ZNF804B: variants seen among roughly 807,000 people sequenced by gnomAD.
ZNF804B encodes zinc finger protein 804B.
Under a neutral mutation model 101.4 loss-of-function variants are expected in ZNF804B, and 80 were observed. That is an observed-to-expected ratio of 0.79 (90% CI 0.66 to 0.95). The LOEUF (loss-of-function observed/expected upper bound fraction) is 0.95. ZNF804B is among the 40% of genes least tolerant of loss of function. The pLI, the probability that ZNF804B is intolerant of heterozygous loss-of-function variation, is 0.00. For missense variants in ZNF804B, 1,673 were observed against 1,561.9 expected (o/e 1.07, Z -1.20); for synonymous variants, 622 against 558.8 (o/e 1.11, Z -1.59).
intron 1 of ZNF804B, among the ~76,000 whole-genome samples, chr7:88,784,850 T>A (rs1790276891): frequency 6.6e-6 from 1 of 152,170 alleles, no homozygotes; most frequent in South Asian, 2.1e-4. Flanking sequence ...AATGTTCTTT[T>A]CTTTCTCTGC....
intron 1 of ZNF804B, among the ~76,000 whole-genome samples, chr7:88,789,089 T>G (rs1369302224): frequency 6.6e-6 from 1 of 152,134 alleles, no homozygotes; most frequent in Non-Finnish European, 1.5e-5. Context: ...GTCCAACCAT[T>G]GTTAGAAATT....
intron 1 of ZNF804B, among the ~76,000 whole-genome samples, chr7:89,117,006 C>A (rs1790321991): frequency 1.3e-5 from 2 of 152,020 alleles, no homozygotes; most frequent in African/African-American, 4.8e-5. Context: ...CAGCTTTGAC[C>A]ACACAGAGAA....
At chr7:88,923,245 G>A (rs932880822) in intron 1 of ZNF804B, among the ~76,000 whole-genome samples, 1 of 151,994 alleles carries the variant, frequency 6.6e-6, no homozygotes. Flanking sequence ...CCTCTGTAGC[G>A]TTGCTTTGGG....
chr7:89,286,610 G>A (rs565135711), intron 2 of ZNF804B, among the ~76,000 whole-genome samples: 1 of 152,266 alleles, frequency 6.6e-6, no homozygotes, highest in African/African-American at 2.4e-5. Flanking sequence ...ACCAATGAGA[G>A]GAGTTAACAG....
At chr7:88,774,094 G>C (rs139539905) in intron 1 of ZNF804B, among the ~76,000 whole-genome samples, 6 of 151,954 alleles carry the variant, frequency 3.9e-5, no homozygotes, top group African/African-American at 1.4e-4. Flanking sequence ...TCATGGGTCA[G>C]TTGACTCATG....
At position 89,136,846 on chromosome 7, in the gene ZNF804B, G is replaced by A. The variant is rs1399334351; in HGVS notation, c.109-81309G>A. 2.6e-5 allele frequency among the ~76,000 whole-genome samples: 4 copies of A among 151,964 alleles called. No homozygotes were observed. The South Asian group carries it at 6.2e-4, about 24-fold the overall frequency. On this transcript the variant is annotated intron_variant, in intron 1 of 3. Transcript: ENST00000333190. ...CCACAAGTTGTAGGAGGCACTGGGT[G>A]GGAGGTAATTGAATAATTGGGGGAG... is the stretch of plus-strand genomic sequence containing the variant.
Position 88,845,301 on chromosome 7 carries a change from G to GCACACACACACACACACA in ZNF804B, c.108+85220_108+85237dup, listed in dbSNP as rs372272018. 4.9e-4 allele frequency among the ~76,000 whole-genome samples: 73 copies of GCACACACACACACACACA among 150,032 alleles called. No individual in the cohort carries two copies. In the South Asian group the frequency reaches 6.6e-3, roughly 13 times the overall value. On this transcript the variant is annotated intron_variant, in intron 1 of 3. Coordinates refer to ENST00000333190, the MANE Select transcript of ZNF804B (RefSeq NM_181646.5). ...TGCGCACGCGCGCGCGCACGCGCGC[G>GCACACACACACACACACA]CACACACACACACACACACAATAAC...
At chr7:89,275,352 C>A (rs1221979629) in intron 2 of ZNF804B, among the ~76,000 whole-genome samples, 1 of 152,000 alleles carries the variant, frequency 6.6e-6, no homozygotes, top group African/African-American at 2.4e-5. Context: ...TTGTACATCT[C>A]ACTTTTAATC....
intron 1 of ZNF804B, among the ~76,000 whole-genome samples, chr7:89,128,095 AAT>A (rs773419587): frequency 4.6e-5 from 7 of 151,912 alleles, no homozygotes; most frequent in Non-Finnish European, 8.8e-5. Context: ...TATTGTAATT[AAT>A]AGTGTAATTT....
chr7:88,789,907 T>A (rs1046239188), intron 1 of ZNF804B, among the ~76,000 whole-genome samples: 3 of 152,126 alleles, frequency 2.0e-5, no homozygotes, highest in Admixed American at 6.6e-5. Flanking sequence ...ATGCCTTTTT[T>A]ATTAAATTTA....
intron 1 of ZNF804B, among the ~76,000 whole-genome samples, chr7:89,168,022 A>AAT (rs1262223319): frequency 1.3e-5 from 2 of 152,046 alleles, no homozygotes; most frequent in Non-Finnish European, 2.9e-5. Flanking sequence ...AAGTACCAAT[A>AAT]ATATATATTT....
chr7:89,291,768 G>A (rs1208891), intron 2 of ZNF804B, among the ~76,000 whole-genome samples: 139,189 of 152,148 alleles, frequency 0.91, 63,821 homozygotes, highest in East Asian at 1. Flanking sequence ...TATTAATATC[G>A]AAGTACAAGA....
intron 1 of ZNF804B, among the ~76,000 whole-genome samples, chr7:89,151,009 C>T (rs938834522): frequency 2.6e-5 from 4 of 152,044 alleles, no homozygotes; most frequent in Non-Finnish European, 5.9e-5. Context: ...ATAAGATTGA[C>T]TTTGTACATC....
intron 1 of ZNF804B, among the ~76,000 whole-genome samples, chr7:89,167,520 G>A (rs1215143840): frequency 1.3e-5 from 2 of 152,106 alleles, no homozygotes; most frequent in Non-Finnish European, 2.9e-5. Context: ...TTGTTCAGGA[G>A]TCAACTGTAT....
In ZNF804B at chr7:88,841,481, G is replaced by A. The variant is rs969307491; in HGVS notation, c.108+81397G>A. The stretch of plus-strand genomic sequence containing the variant: ...TCTGTGCATATTGTTACTCATCAAT[G>A]CTGGGAAGGTAATATGTCTTGACTC... On this transcript the variant is annotated intron_variant, in intron 1 of 3. Coordinates refer to ENST00000333190, the MANE Select transcript of ZNF804B (RefSeq NM_181646.5). Among the ~76,000 whole-genome samples the A allele has an allele frequency of 3.9e-5, 6 of 152,112 alleles. No individual in the cohort carries two copies. The South Asian group carries it at 1.0e-3, about 26-fold the overall frequency.
At chr7:89,197,394 G>T (rs927760647) in intron 1 of ZNF804B, among the ~76,000 whole-genome samples, 1 of 151,884 alleles carries the variant, frequency 6.6e-6, no homozygotes. Flanking sequence ...TGCAAAATAT[G>T]TGAAAATAAA....
chr7:89,249,749 AC>A (rs1263486158), intron 2 of ZNF804B, among the ~76,000 whole-genome samples: 1 of 151,972 alleles, frequency 6.6e-6, no homozygotes, highest in African/African-American at 2.4e-5. Context: ...GAACAAACTA[AC>A]TCCTAAGGTA....
intron 1 of ZNF804B, among the ~76,000 whole-genome samples, chr7:89,177,883 C>T (rs1161405786): frequency 1.3e-5 from 2 of 151,440 alleles, no homozygotes; most frequent in Admixed American, 6.6e-5. Context: ...TACAGTGAGC[C>T]GACACAGCGC....
intron 1 of ZNF804B, among the ~76,000 whole-genome samples, chr7:88,876,998 G>GAAAAAAAA (rs1161171786): frequency 5.6e-5 from 3 of 53,878 alleles, no homozygotes; most frequent in African/African-American, 3.5e-4. Context: ...GAGAATATTT[G>GAAAAAAAA]AAAAAAAAAA....
Sources: allele counts gnomAD v4.1 joint callset (sites outside exome capture counted in the v4.1 genomes callset), GRCh38; gene constraint gnomAD v4.1.1; transcripts MANE v1.5; gene names NCBI Gene and HGNC (gene_info 2026-07-23, HGNC 2026-07-21).